LGSN: variants seen among roughly 807,000 people sequenced by gnomAD.
LGSN encodes lengsin.
A neutral mutation model predicts 19.5 loss-of-function variants in LGSN; 21 were observed. The observed-to-expected ratio is 1.07, with a 90% CI of 0.76 to 1.55. The LOEUF (loss-of-function observed/expected upper bound fraction) is 1.55. Among genes scored for constraint, LGSN ranks in the 40% most tolerant of loss-of-function variants. LGSN has a pLI of 0.00. For synonymous variants in LGSN, 257 were observed against 215.6 expected, an observed-to-expected ratio of 1.19 and a Z score of -1.68; for missense variants, 673 against 608.5, an observed-to-expected ratio of 1.11 and a Z score of -1.12.
At chr6:63,482,854 C>T in the LGSN span, among the ~76,000 whole-genome samples, 1 of 152,146 alleles carries the variant, frequency 6.6e-6, no homozygotes, top group Non-Finnish European at 1.5e-5. Flanking sequence ...GCGCGCACCA[C>T]CATGCCCTGC....
At chr6:63,416,946 C>CAT in the LGSN span, among the ~76,000 whole-genome samples, 770 of 151,586 alleles carry the variant, frequency 5.1e-3, 5 homozygotes, top group Non-Finnish European at 5.3e-3. Flanking sequence ...CACACACACA[C>CAT]ACACACACAC....
the LGSN span, among the ~76,000 whole-genome samples, chr6:63,439,300 CAT>C: frequency 6.6e-6 from 1 of 151,992 alleles, no homozygotes; most frequent in African/African-American, 2.4e-5. Context: ...CACGTGTATA[CAT>C]ATGTTAACTA....
the LGSN span, among the ~76,000 whole-genome samples, chr6:63,559,076 C>T: frequency 6.6e-6 from 1 of 152,182 alleles, no homozygotes; most frequent in Non-Finnish European, 1.5e-5. Flanking sequence ...CTCCCCTTAT[C>T]AGTCAAAAGA....
the LGSN span, chr6:63,527,934 G>T: frequency 6.6e-6 from 1 of 152,214 alleles, no homozygotes; most frequent in Non-Finnish European, 1.5e-5. Flanking sequence ...CAGGGAGTCA[G>T]ATTTCTGTTG....
chr6:63,435,135 G>A, the LGSN span, among the ~76,000 whole-genome samples: 9 of 152,264 alleles, frequency 5.9e-5, no homozygotes, highest in Middle Eastern at 3.4e-3. Flanking sequence ...TGAGTCAGAG[G>A]ACATTGGCTG....
chr6:63,328,175 A>G, the LGSN span, among the ~76,000 whole-genome samples: 1 of 152,180 alleles, frequency 6.6e-6, no homozygotes, highest in African/African-American at 2.4e-5. Flanking sequence ...GATTACATCA[A>G]TAACTATGGC....
chr6:63,503,924 C>A, the LGSN span, among the ~76,000 whole-genome samples: 1 of 151,674 alleles, frequency 6.6e-6, no homozygotes, highest in Non-Finnish European at 1.5e-5. Flanking sequence ...CTCAAAAAAA[C>A]CAAAACAACA....
At chr6:63,520,979 A>C in the LGSN span, among the ~76,000 whole-genome samples, 1 of 152,162 alleles carries the variant, frequency 6.6e-6, no homozygotes, top group Non-Finnish European at 1.5e-5. Context: ...AAACTAACAC[A>C]GGAACAGGAA....
the LGSN span, among the ~76,000 whole-genome samples, chr6:63,351,397 CTGTG>C: frequency 6.7e-6 from 1 of 149,440 alleles, no homozygotes; most frequent in Admixed American, 6.7e-5. Context: ...GTATGTGTGT[CTGTG>C]TGTGTCTGTG....
the LGSN span, among the ~76,000 whole-genome samples, chr6:63,428,194 TC>T: frequency 6.6e-6 from 1 of 152,036 alleles, no homozygotes; most frequent in Non-Finnish European, 1.5e-5. Context: ...TAAAGCAGGT[TC>T]CCCAACCTAC....
chr6:63,523,218 C>T, the LGSN span, among the ~76,000 whole-genome samples: 1 of 152,014 alleles, frequency 6.6e-6, no homozygotes, highest in Admixed American at 6.6e-5. Context: ...TCAAAAACAA[C>T]TATAAAGTAA....
chr6:63,300,138 C>T (rs1383725564), intron 1 of LGSN, among the ~76,000 whole-genome samples: 2 of 152,164 alleles, frequency 1.3e-5, no homozygotes, highest in South Asian at 2.1e-4. Flanking sequence ...TATGGCCCTG[C>T]CCTTCCTCCT....
chr6:63,329,519 C>G, the LGSN span, among the ~76,000 whole-genome samples: 1 of 152,192 alleles, frequency 6.6e-6, no homozygotes, highest in African/African-American at 2.4e-5. Context: ...CCTTACTAAG[C>G]CTTGAGCCTT....
chr6:63,431,905 G>GAA, the LGSN span, among the ~76,000 whole-genome samples: 3 of 138,226 alleles, frequency 2.2e-5, no homozygotes, highest in South Asian at 2.3e-4. Context: ...CGACTCTACT[G>GAA]AAAAAAAAAA....
chr6:63,383,019 G>T, the LGSN span, among the ~76,000 whole-genome samples: 1 of 152,092 alleles, frequency 6.6e-6, no homozygotes, highest in Non-Finnish European at 1.5e-5. Context: ...ATAGCTACAG[G>T]CATATGTATC....
At chr6:63,288,782 C>T (rs1350263421) in intron 2 of LGSN, among the ~76,000 whole-genome samples, 1 of 152,222 alleles carries the variant, frequency 6.6e-6, no homozygotes. Context: ...ATGTTCTTTT[C>T]TCTGTGCATG....
At chr6:63,478,669 C>T in the LGSN span, among the ~76,000 whole-genome samples, 1 of 152,144 alleles carries the variant, frequency 6.6e-6, no homozygotes, top group Non-Finnish European at 1.5e-5. Flanking sequence ...TATAGACGAT[C>T]ATCAGTTCAT....
At chr6:63,542,022 GGTGTGT>G in the LGSN span, among the ~76,000 whole-genome samples, 11,686 of 146,778 alleles carry the variant, frequency 0.08, 471 homozygotes, top group Non-Finnish European at 0.1. Flanking sequence ...AAGAAACTGT[GGTGTGT>G]GTGTGTGTGT....
chr6:63,358,102 T>G, the LGSN span, among the ~76,000 whole-genome samples: 1 of 152,240 alleles, frequency 6.6e-6, no homozygotes, highest in Non-Finnish European at 1.5e-5. Flanking sequence ...CCTTTCCCCA[T>G]TGCTTGTTTT....
Sources: gnomAD v4.1 joint callset for allele counts (sites outside exome capture counted in the v4.1 genomes callset) on GRCh38, gnomAD v4.1.1 for gene constraint, MANE v1.5 for transcripts, NCBI Gene and HGNC (gene_info 2026-07-23, HGNC 2026-07-21) for gene names.